The following PTPRG variants were observed in gnomAD, a reference collection of about 807,000 sequenced individuals.
The protein encoded by PTPRG is receptor-type tyrosine-protein phosphatase gamma.
In PTPRG, 102 loss-of-function variants were observed where a neutral mutation model predicts 165.3. That is an observed-to-expected ratio of 0.62 (90% CI 0.53 to 0.73). PTPRG has a LOEUF of 0.73. Ranked by LOEUF, PTPRG falls within the 30% of genes least tolerant of loss-of-function variation. The pLI, the probability that PTPRG is intolerant of heterozygous loss-of-function variation, is 0.00. For synonymous variants in PTPRG, 675 were observed against 669.5 expected (o/e 1.01, Z -0.13); for missense variants, 1,866 against 1,861.4 (o/e 1.00, Z -0.05).
At chr3:62,110,317 C>A (rs1702623942) in intron 5 of PTPRG, among the ~76,000 whole-genome samples, 1 of 152,088 alleles carries the variant, frequency 6.6e-6, no homozygotes, top group East Asian at 1.9e-4. Context: ...AAACTACCAA[C>A]TTGTGACCAA....
At chr3:62,124,369 G>T in intron 5 of PTPRG, 1 of 1,612,566 alleles carries the variant, frequency 6.2e-7, no homozygotes. Flanking sequence ...TGGGATGCAA[G>T]TCCAGGGTGA....
At chr3:61,861,678 GTTAA>G (rs1158627964) in intron 2 of PTPRG, among the ~76,000 whole-genome samples, 1 of 152,198 alleles carries the variant, frequency 6.6e-6, no homozygotes, top group African/African-American at 2.4e-5. Context: ...CTAGAGTGGT[GTTAA>G]TTAGTCAGAG....
intron 10 of PTPRG, among the ~76,000 whole-genome samples, chr3:62,198,577 A>C (rs1395637492): frequency 1.3e-5 from 2 of 152,242 alleles, no homozygotes; most frequent in African/African-American, 4.8e-5. Context: ...GACTGGTTTT[A>C]GATAAATAAG....
intron 5 of PTPRG, among the ~76,000 whole-genome samples, chr3:62,101,919 A>T (rs1702300875): frequency 6.6e-6 from 1 of 152,238 alleles, no homozygotes; most frequent in African/African-American, 2.4e-5. Context: ...AGGCATTATT[A>T]TCTTTCAAAA....
At chr3:62,115,517 A>G (rs1434717788) in intron 5 of PTPRG, among the ~76,000 whole-genome samples, 1 of 152,222 alleles carries the variant, frequency 6.6e-6, no homozygotes, top group East Asian at 1.9e-4. Flanking sequence ...GCCAAACCCA[A>G]AGAGAATTAA....
intron 6 of PTPRG, among the ~76,000 whole-genome samples, chr3:62,146,387 G>A (rs1704122420): frequency 6.6e-6 from 1 of 152,062 alleles, no homozygotes; most frequent in African/African-American, 2.4e-5. Flanking sequence ...ACAGGGATCT[G>A]ATTAATAAGG....
chr3:62,142,367 G>A (rs572784551), intron 6 of PTPRG, among the ~76,000 whole-genome samples: 40 of 152,228 alleles, frequency 2.6e-4, no homozygotes, highest in African/African-American at 9.6e-4. Flanking sequence ...GGGGCTGGCT[G>A]GCCGGGTAGG....
At chr3:61,724,231 A>AG (rs397690572) in intron 1 of PTPRG, among the ~76,000 whole-genome samples, 1 of 150,662 alleles carries the variant, frequency 6.6e-6, no homozygotes, top group African/African-American at 2.4e-5. Flanking sequence ...AAAAAAAAAA[A>AG]GTAGTTATAT....
chr3:61,765,399 T>G (rs796260479), intron 2 of PTPRG, among the ~76,000 whole-genome samples: 11 of 152,302 alleles, frequency 7.2e-5, no homozygotes, highest in African/African-American at 2.6e-4. Context: ...ATTGTTTTAT[T>G]TTTGAGGTCT....
At chr3:61,728,048 C>T (rs1334143167) in intron 1 of PTPRG, among the ~76,000 whole-genome samples, 1 of 152,224 alleles carries the variant, frequency 6.6e-6, no homozygotes, top group Non-Finnish European at 1.5e-5. Context: ...GTCCCATTTC[C>T]ATCTCCATGT....
chr3:61,862,817 G>A (rs1464809482), intron 2 of PTPRG, among the ~76,000 whole-genome samples: 1 of 152,138 alleles, frequency 6.6e-6, no homozygotes, highest in African/African-American at 2.4e-5. Flanking sequence ...CTTAGTGTCT[G>A]TCTGATGTCA....
chr3:62,160,644 G>A (rs559702439), intron 7 of PTPRG, among the ~76,000 whole-genome samples: 49 of 152,342 alleles, frequency 3.2e-4, no homozygotes, highest in Non-Finnish European at 6.3e-4. Flanking sequence ...ACTAGGATTT[G>A]TTTTCTTCTA....
At chr3:62,145,531 A>AATGATGAAGATGATGATG (rs1344505915) in intron 6 of PTPRG, among the ~76,000 whole-genome samples, 9 of 150,218 alleles carry the variant, frequency 6.0e-5, no homozygotes, top group African/African-American at 2.3e-4. Flanking sequence ...AATAAAATGA[A>AATGATGAAGATGATGATG]ATGATGAAGA....
At chr3:61,637,051 C>A (rs182290926) in intron 1 of PTPRG, among the ~76,000 whole-genome samples, 2 of 152,312 alleles carry the variant, frequency 1.3e-5, no homozygotes, top group African/African-American at 4.8e-5. Context: ...GGCCTCTCTG[C>A]CACATAGCTT....
intron 3 of PTPRG, among the ~76,000 whole-genome samples, chr3:61,993,632 A>T (rs74784478): frequency 0.013 from 1,995 of 152,338 alleles, 55 homozygotes; most frequent in East Asian, 0.12. Context: ...GAGAAAAATT[A>T]AAAGTTTAAT....
chr3:62,040,894 G>T (rs183712249), intron 4 of PTPRG, among the ~76,000 whole-genome samples: 214 of 152,272 alleles, frequency 1.4e-3, no homozygotes, highest in African/African-American at 4.9e-3. Context: ...CAGCAGTTTT[G>T]CCATCTTTGG....
chr3:61,792,694 TTCTTTCTTTCTTTCTTTCTTTCTTTC>T (rs1218418032), intron 2 of PTPRG, among the ~76,000 whole-genome samples: 1 of 52,618 alleles, frequency 1.9e-5, no homozygotes, highest in Non-Finnish European at 3.5e-5. Flanking sequence ...CTTTCTTTCT[TTCTTTCTTTCTTTCTTTCTTTCTTTC>T]TTTCTTTCTT....
intron 5 of PTPRG, among the ~76,000 whole-genome samples, chr3:62,102,964 C>T (rs1462174148): frequency 6.6e-6 from 1 of 152,112 alleles, no homozygotes; most frequent in Non-Finnish European, 1.5e-5. Flanking sequence ...AGTGCATTTT[C>T]CCCCACTGGT....
chr3:61,726,995 C>T (rs1218482729), intron 1 of PTPRG, among the ~76,000 whole-genome samples: 1 of 149,128 alleles, frequency 6.7e-6, no homozygotes, highest in Non-Finnish European at 1.5e-5. Flanking sequence ...TGCAGTGAGC[C>T]GAGATTGTGC....
Sources: allele counts gnomAD v4.1 joint callset (sites outside exome capture counted in the v4.1 genomes callset), GRCh38; gene constraint gnomAD v4.1.1; transcripts MANE v1.5; gene names NCBI Gene and HGNC (gene_info 2026-07-23, HGNC 2026-07-21).